The following UFD1 variants were observed in gnomAD, a reference collection of about 807,000 sequenced individuals.
UFD1 encodes the protein ubiquitin recognition factor in ER associated degradation 1, also known as ubiquitin recognition factor in ER-associated degradation protein 1.
A neutral mutation model predicts 45.9 loss-of-function variants in UFD1; 13 were observed. The observed-to-expected ratio is 0.28, with a 90% confidence interval of 0.18 to 0.45. UFD1 has a LOEUF of 0.45. UFD1 is among the 20% of genes least tolerant of loss of function. UFD1 has a pLI of 1.00. For missense variants in UFD1, 218 were observed against 389.2 expected, an observed-to-expected ratio of 0.56 and a Z score of 3.70; for synonymous variants, 128 against 139.2, an observed-to-expected ratio of 0.92 and a Z score of 0.56.
intron 11 of UFD1, chr22:19,453,896 G>A (rs1320341332): frequency 1.0e-6 from 1 of 985,392 alleles, no homozygotes; most frequent in Non-Finnish European, 1.2e-6. Context: ...TTGAGAAAAG[G>A]AACCAGGAGA....
chr22:19,475,364 A>G (rs1284162635), intron 2 of UFD1, 106 bp downstream of exon 2: 1 of 1,503,426 alleles, frequency 6.7e-7, no homozygotes, highest in African/African-American at 1.4e-5. Context: ...TTTTCACAGT[A>G]ACACTAGCTT....
At chr22:19,461,605 C>A (rs2089767075) in intron 6 of UFD1, among the ~76,000 whole-genome samples, 3 of 152,200 alleles carry the variant, frequency 2.0e-5, no homozygotes. Flanking sequence ...TTTCTCCTAT[C>A]CTTGTGTGGT....
At chr22:19,477,251 A>G (rs1344638803) in intron 1 of UFD1, among the ~76,000 whole-genome samples, 2 of 152,228 alleles carry the variant, frequency 1.3e-5, no homozygotes, top group African/African-American at 2.4e-5. Context: ...CCGTATTCAT[A>G]GCACAATTAT....
intron 11 of UFD1, chr22:19,453,102 G>A (rs1028738101): frequency 1.0e-6 from 1 of 985,452 alleles, no homozygotes; most frequent in Non-Finnish European, 1.2e-6. Context: ...GTAGTCTAGA[G>A]ACCTACTGGA....
chr22:19,450,309 A>G lies in UFD1; in HGVS notation c.*361T>C, dbSNP rs1000808381. ...AGAAAGGATAAATGAAGAAAAAGAA[A>G]GAACACTTCATGTTAGACAATTTAG... On this transcript the variant is annotated 3_prime_UTR_variant, in exon 12 of 12. Transcript: ENST00000263202. 2 of 188,578 alleles carry G rather than the reference A, an allele frequency of 1.1e-5. No individual in the cohort carries two copies. Among genetic ancestry groups the G allele is most frequent in the Non-Finnish European group, 1.1e-5 (1 of 90,212 alleles). The allele number at this position is 188,578 out of a possible 1,614,324, so 11.7% of individuals were successfully genotyped here.
rs765469552 is a variant in UFD1 at position 19,455,700 on chromosome 22, G to C, written c.747C>G (p.Ile249Met). The C allele has an allele frequency of 1.2e-6, 2 of 1,614,066 alleles. No homozygotes were observed. The highest frequency in any genetic ancestry group is 1.7e-6 in the Non-Finnish European group (2 of 1,179,950). Reference sequence around the variant, plus strand: ...CCTACCTTTTAATATCTCCAGGCTTGATTGGGGAGGGGCTGGGCTCTACCC... The same window carrying C: ...CCTACCTTTTAATATCTCCAGGCTTCATTGGGGAGGGGCTGGGCTCTACCC... Reference protein sequence around the residue: ...KKGVEPSPSPIKPGDIKRGIP... With the variant: ...KKGVEPSPSPMKPGDIKRGIP... The change falls in exon 10 of 12, where the codon ATC becomes ATG. Residue 249 changes from isoleucine to methionine, a missense_variant. Ile to Met is a conservative substitution (Grantham distance 10). Around this residue, in one of 2 missense-constraint regions of UFD1, gnomAD observed 69 missense variants for 81.7 expected, o/e 0.84. Coordinates refer to ENST00000263202, the MANE Select transcript of UFD1 (RefSeq NM_005659.7).
In UFD1 at chr22:19,479,139, C is replaced by G. The variant is rs1247863300; in HGVS notation, c.-54G>C. On this transcript the variant is annotated 5_prime_UTR_variant, in exon 1 of 12. Coordinates refer to ENST00000263202, the MANE Select transcript of UFD1 (RefSeq NM_005659.7). ...CTCTCAGGCAATGCAACGAAGAAAC[C>G]CCGCCGACCGCTCTCCCAGCCGCCG... is the stretch of plus-strand genomic sequence containing the variant. The G allele has an allele frequency of 1.9e-6, 3 of 1,601,732 alleles. No homozygotes were observed. In the East Asian group the frequency reaches 6.8e-5, roughly 36 times the overall value.
intron 11 of UFD1, chr22:19,451,667 T>C: frequency 1.0e-6 from 1 of 985,516 alleles, no homozygotes; most frequent in Non-Finnish European, 1.2e-6. Context: ...ATGTTATACC[T>C]GCAATAGAGC....
At chr22:19,455,118 C>A (rs954477802) in intron 10 of UFD1, among the ~76,000 whole-genome samples, 17 of 152,092 alleles carry the variant, frequency 1.1e-4, no homozygotes, top group Non-Finnish European at 2.4e-4. Context: ...TTCACAGAAC[C>A]CCCTGAGGTG....
rs1353878909 is a variant in UFD1 at position 19,450,565 on chromosome 22, CAG to C, written c.*103_*104del. 30 of 1,380,186 alleles carry C rather than the reference CAG, an allele frequency of 2.2e-5. No homozygotes were observed. Among genetic ancestry groups the C allele is most frequent in the Non-Finnish European group, 2.7e-5 (27 of 987,250 alleles). The allele number at this position is 1,380,186 out of a possible 1,614,324, so 85.5% of individuals were successfully genotyped here. A position where few individuals can be genotyped will look rare whatever the true frequency, so the allele number is the denominator to read the frequency against. ...GTAACTCTAAATAAATCTTAAGTAA[CAG>C]AGTATTCTCTGATGAGGCTCGTCCC... On this transcript the variant is annotated 3_prime_UTR_variant, in exon 12 of 12. Transcript: ENST00000263202.
At chr22:19,453,590 G>A in intron 11 of UFD1, 1 of 985,608 alleles carries the variant, frequency 1.0e-6, no homozygotes, top group Non-Finnish European at 1.2e-6. Context: ...GTGAAGCCTG[G>A]ATGGTGCCTG....
chr22:19,453,846 G>T, intron 11 of UFD1: 1 of 985,484 alleles, frequency 1.0e-6, no homozygotes, highest in Non-Finnish European at 1.2e-6. Context: ...CAGTACATCT[G>T]CCCTCTGCCC....
chr22:19,452,660 A>G (rs1011189024), intron 11 of UFD1: 5 of 152,246 alleles, frequency 3.3e-5, no homozygotes, highest in African/African-American at 1.2e-4. Flanking sequence ...AGTAGCTGGG[A>G]CTATAGGTGC....
At chr22:19,474,735 G>C (rs889719745) in intron 3 of UFD1, among the ~76,000 whole-genome samples, 16 of 152,154 alleles carry the variant, frequency 1.1e-4, no homozygotes, top group African/African-American at 3.9e-4. Flanking sequence ...CAAAGCACTT[G>C]ATACTTGTAC....
At chr22:19,474,918 C>T in intron 3 of UFD1, 150 bp downstream of exon 3, 1 of 694,562 alleles carries the variant, frequency 1.4e-6, no homozygotes, top group South Asian at 2.9e-5. Context: ...GACCCAGGTT[C>T]TCCCAGCCCA....
At position 19,467,884 on chromosome 22, in the gene UFD1, G is replaced by T; in HGVS notation, c.411C>A (p.Asn137Lys). Reference sequence around the variant, plus strand: ...TTTGAAAAAGATACACGGCTTTGGGGTTGGTGATGTCCAGGAAGTCAGGGC... The same window carrying T: ...TTTGAAAAAGATACACGGCTTTGGGTTTGGTGATGTCCAGGAAGTCAGGGC... Reference protein sequence around the residue: ...PQSPDFLDITNPKAVLENALR... With the variant: ...PQSPDFLDITKPKAVLENALR... The change falls in exon 5 of 12, where the codon AAC (asparagine) becomes AAA (lysine). Residue 137 changes from asparagine (N) to lysine (K), a missense_variant. By Grantham distance (94) the Asn-to-Lys change is moderately conservative. Transcript: ENST00000263202. The T allele has an allele frequency of 6.2e-7, 1 of 1,614,154 alleles. No individual in the cohort carries two copies. Among genetic ancestry groups the T allele is most frequent in the Non-Finnish European group, 8.5e-7 (1 of 1,180,016 alleles).
chr22:19,452,348 G>C (rs1373838153), intron 11 of UFD1: 2 of 152,110 alleles, frequency 1.3e-5, no homozygotes, highest in African/African-American at 4.8e-5. Flanking sequence ...TAACTTAATT[G>C]CTTCTTTAAA....
chr22:19,451,641 C>G (rs183820344), intron 11 of UFD1: 1 of 985,320 alleles, frequency 1.0e-6, no homozygotes, highest in African/African-American at 1.7e-5. Context: ...GCACCTGGCT[C>G]CCCACTAACT....
At position 19,471,794 on chromosome 22, in the gene UFD1, T is replaced by A; in HGVS notation, c.184A>T (p.Thr62Ser). 6.2e-7 allele frequency: 1 copy of A among 1,613,808 alleles called. No homozygotes were observed. Among genetic ancestry groups the A allele is most frequent in the Non-Finnish European group, 8.5e-7 (1 of 1,179,786 alleles). ...ALDQLSRLNI[T>S]YPMLFKLTNK... ...GTCAGTTTGAACAGCATGGGATAGG[T>A]AATGTTAAGTCGGCCTGAAAATAAG... The change falls in exon 4 of 12, where the codon ACC becomes TCC. Residue 62 changes from threonine (T) to serine (S), a missense_variant. Around this residue, in one of 2 missense-constraint regions of UFD1, gnomAD observed 149 missense variants for 307.5 expected, o/e 0.48. Coordinates refer to ENST00000263202, the MANE Select transcript of UFD1 (RefSeq NM_005659.7).
Sources: gnomAD v4.1 joint callset for allele counts (sites outside exome capture counted in the v4.1 genomes callset) on GRCh38, gnomAD v4.1.1 for gene constraint, gnomAD v4.1.1 regional missense constraint, MANE v1.5 for transcripts, NCBI Gene and HGNC (gene_info 2026-07-23, HGNC 2026-07-21) for gene names.